FGL1: variants seen among roughly 807,000 people sequenced by gnomAD.
FGL1 encodes fibrinogen like 1.
A neutral mutation model predicts 43.7 loss-of-function variants in FGL1; 59 were observed. That is an observed-to-expected ratio of 1.35 (90% CI 1.10 to 1.68). FGL1 has a LOEUF of 1.68. Ranked by LOEUF, FGL1 falls within the 40% of genes most tolerant of loss-of-function variation. The pLI, the probability that FGL1 is intolerant of heterozygous loss-of-function variation, is 0.00. For synonymous variants in FGL1, 192 were observed against 126.5 expected, an observed-to-expected ratio of 1.52 and a Z score of -3.48; for missense variants, 596 against 373.0, an observed-to-expected ratio of 1.60 and a Z score of -4.92.
At chr8:17,881,173 G>A (rs1478766331) in intron 3 of FGL1, among the ~76,000 whole-genome samples, 1 of 141,934 alleles carries the variant, frequency 7.0e-6, no homozygotes, top group Non-Finnish European at 1.5e-5. Flanking sequence ...GTCTTATTGT[G>A]TTGCCCAGGC....
intron 1 of FGL1, among the ~76,000 whole-genome samples, chr8:17,893,145 G>C (rs1219578903): frequency 6.6e-6 from 1 of 152,098 alleles, no homozygotes; most frequent in Admixed American, 6.6e-5. Flanking sequence ...AGGTTGCAGT[G>C]AGCCAAGATC....
At chr8:17,867,489 A>T (rs965229351) in intron 7 of FGL1, among the ~76,000 whole-genome samples, 16 of 152,252 alleles carry the variant, frequency 1.1e-4, no homozygotes, top group African/African-American at 3.9e-4. Context: ...GTTAATTTAT[A>T]AATTAGACAC....
chr8:17,885,151 C>T (rs2131736271), intron 2 of FGL1, among the ~76,000 whole-genome samples: 1 of 152,024 alleles, frequency 6.6e-6, no homozygotes, highest in East Asian at 1.9e-4. Context: ...AGGGATTCTC[C>T]TGCCTCAGCC....
chr8:17,882,129 G>A lies in FGL1; in HGVS notation c.114C>T (p.Arg38=). 6.2e-7 allele frequency: 1 copy of A among 1,613,982 alleles called. No homozygotes were observed. Among genetic ancestry groups the A allele is most frequent in the Non-Finnish European group, 8.5e-7 (1 of 1,179,990 alleles). Residue 38 remains arginine, a synonymous_variant, in exon 3 of 8, where the codon CGC becomes CGT. Transcript: ENST00000427924. ...GCTGTTTGACCCGGGTCTCAAGCAG[G>A]CGCACCTGGGCTCTGAGCCGCATCT... ...QEQMRLRAQV[R]LLETRVKQQQ... is the part of the protein sequence containing the mutation.
intron 1 of FGL1, chr8:17,885,792 A>G: frequency 2.0e-6 from 1 of 494,834 alleles, no homozygotes; most frequent in South Asian, 2.9e-5. Flanking sequence ...AAACAGAGGA[A>G]GGACTCTGGT....
intron 1 of FGL1, among the ~76,000 whole-genome samples, chr8:17,892,120 A>C (rs1233047000): frequency 2.0e-5 from 3 of 152,132 alleles, no homozygotes; most frequent in African/African-American, 7.2e-5. Flanking sequence ...TTGCTTTTTA[A>C]ATTTGTACCC....
rs772469816 is a variant in FGL1 at position 17,874,101 on chromosome 8, A to C, written c.420T>G (p.Tyr140Ter). 1.9e-6 allele frequency: 3 copies of C among 1,611,214 alleles called. No homozygotes were observed. The East Asian group carries it at 6.7e-5, about 36-fold the overall frequency. The change falls in exon 5 of 8, where the codon TAT becomes TAG. Residue 140 changes from tyrosine (Y) to a stop codon, truncating the protein, a stop_gained. Transcript: ENST00000427924. LOFTEE classifies it high-confidence loss of function. ...SENFNRGWKDYENGFGNFVQK... is the reference protein window; with the variant it reads ...SENFNRGWKD ...GGACAAAATTTCCAAAGCCATTTTC[A>C]TAGTCTTTCCATCCTCTAAAAAAGG...
chr8:17,866,850 G>A lies in FGL1; in HGVS notation c.779+1698C>T, dbSNP rs187610419. ...TTGCAGATGACTTCATGAATTACAC[G>A]TTAAGTTTTATGTCATGCTGACTTA... On this transcript the variant is annotated intron_variant, in intron 7 of 7. Coordinates refer to ENST00000427924, the MANE Select transcript of FGL1 (RefSeq NM_004467.4). Among the ~76,000 whole-genome samples, 24 of 152,278 alleles carry A rather than the reference G, an allele frequency of 1.6e-4. No homozygotes were observed. The East Asian group carries it at 2.5e-3, about 16-fold the overall frequency.
intron 3 of FGL1, among the ~76,000 whole-genome samples, 163 bp downstream of exon 3, chr8:17,881,833 CAAA>C (rs796756857): frequency 0.077 from 7,909 of 103,282 alleles, 686 homozygotes; most frequent in African/African-American, 0.22. Context: ...GACTCCGCCT[CAAA>C]AAAAAAAAAA....
chr8:17,879,387 T>C (rs2053502032), intron 3 of FGL1, among the ~76,000 whole-genome samples: 1 of 152,094 alleles, frequency 6.6e-6, no homozygotes, highest in Non-Finnish European at 1.5e-5. Context: ...CAGCTCTTGA[T>C]ATGATTTGGA....
At chr8:17,883,259 T>C (rs1330089297) in intron 2 of FGL1, among the ~76,000 whole-genome samples, 1 of 93,374 alleles carries the variant, frequency 1.1e-5, no homozygotes, top group Non-Finnish European at 1.8e-5. Context: ...ATATATATCA[T>C]ATATAATATA....
chr8:17,875,529 T>TTGAGACAGAG (rs2053435695), intron 3 of FGL1, among the ~76,000 whole-genome samples: 2 of 11,642 alleles, frequency 1.7e-4, no homozygotes, highest in African/African-American at 5.6e-4. Flanking sequence ...CTTTCTTTCT[T>TTGAGACAGAG]TCTTTCTCTT....
In FGL1 at chr8:17,874,294, C is replaced by G. The variant is rs1436644462; in HGVS notation, c.404+68G>C. On this transcript the variant is annotated intron_variant, in intron 4 of 7. Coordinates refer to ENST00000427924, the MANE Select transcript of FGL1 (RefSeq NM_004467.4). ...TAATTAATAGGCTTCAGGATATGATCAAAATATTTGACTTATAAATCTCAC... is the reference window on the plus strand; with the variant it reads ...TAATTAATAGGCTTCAGGATATGATGAAAATATTTGACTTATAAATCTCAC... 6 of 1,531,834 alleles carry G rather than the reference C, an allele frequency of 3.9e-6. No individual in the cohort carries two copies. The African/African-American group carries it at 6.9e-5, about 18-fold the overall frequency. 94.9% of individuals were successfully genotyped at this position (1,531,834 alleles called of 1,614,324 possible).
intron 3 of FGL1, among the ~76,000 whole-genome samples, chr8:17,878,616 T>G (rs2517311): frequency 0.72 from 110,142 of 151,924 alleles, 40,476 homozygotes; most frequent in Non-Finnish European, 0.79. Context: ...GCACCCAAAT[T>G]CTTTAAAAAA....
chr8:17,872,885 A>G lies in FGL1; in HGVS notation c.502+1134T>C, dbSNP rs34911470. Among the ~76,000 whole-genome samples the G allele has an allele frequency of 6.2e-3, 946 of 152,320 alleles. 11 individuals are homozygous for G. The highest frequency in any genetic ancestry group is 0.022 in the African/African-American group (916 of 41,570). On this transcript the variant is annotated intron_variant, in intron 5 of 7. Transcript: ENST00000427924. Reference sequence around the variant, plus strand: ...AGATGTCTGCTATTTACTTTGAAATATATATACAGAAAAGATGGATTGATG... The same window carrying G: ...AGATGTCTGCTATTTACTTTGAAATGTATATACAGAAAAGATGGATTGATG...
intron 7 of FGL1, chr8:17,868,210 G>T (rs1041808441): frequency 6.1e-6 from 1 of 164,100 alleles, no homozygotes; most frequent in Non-Finnish European, 1.3e-5. Context: ...GAACTAGTTG[G>T]TTATTAGGAT....
rs755383800 is a variant in FGL1 at position 17,885,505 on chromosome 8, C to G, written c.50G>C (p.Gly17Ala). ...CAAGAAGCTTACCGAAATTTCCCTG[C>G]CCATTGTCAGAGCGGTGGTAACAAG... ...FILVTTALTMGREISALEDCA... is the reference protein window; with the variant it reads ...FILVTTALTMAREISALEDCA... Residue 17 changes from glycine (G) to alanine (A), a missense_variant, in exon 2 of 8, where the codon GGC becomes GCC. Gly to Ala is a moderately conservative substitution (Grantham distance 60, BLOSUM62 0). Transcript: ENST00000427924. 1.2e-6 allele frequency: 2 copies of G among 1,612,692 alleles called. No individual in the cohort carries two copies. Among genetic ancestry groups the G allele is most frequent in the South Asian group, 2.2e-5 (2 of 90,866 alleles).
intron 1 of FGL1, among the ~76,000 whole-genome samples, chr8:17,894,657 G>A (rs6982482): frequency 0.56 from 81,191 of 145,358 alleles, 26,887 homozygotes; most frequent in Middle Eastern, 0.7. Flanking sequence ...AAATGTAAAG[G>A]AAATTATACA....
chr8:17,891,076 T>C (rs547763896), intron 1 of FGL1, among the ~76,000 whole-genome samples: 20 of 152,326 alleles, frequency 1.3e-4, no homozygotes, highest in African/African-American at 4.8e-4. Flanking sequence ...ATGTGTTTAT[T>C]GTCTACCTAC....
Sources: gnomAD v4.1 joint callset for allele counts (sites outside exome capture counted in the v4.1 genomes callset) on GRCh38, gnomAD v4.1.1 for gene constraint, MANE v1.5 for transcripts, NCBI Gene and HGNC (gene_info 2026-07-23, HGNC 2026-07-21) for gene names.